MSRA: variants seen among roughly 807,000 people sequenced by gnomAD.
MSRA encodes the protein methionine sulfoxide reductase A, also known as mitochondrial peptide methionine sulfoxide reductase.
In MSRA, 54 loss-of-function variants were observed where a neutral mutation model predicts 31.3. The ratio of observed to expected loss-of-function variants is 1.73; its 90% CI spans 1.39 to 2.17. MSRA has a LOEUF of 2.17. Ranked by LOEUF, MSRA falls within the 30% of genes most tolerant of loss-of-function variation. The pLI, the probability that MSRA is intolerant of heterozygous loss-of-function variation, is 0.00. For synonymous variants in MSRA, 169 were observed against 116.5 expected (o/e 1.45, Z -2.90); for missense variants, 507 against 300.9 (o/e 1.69, Z -5.07).
chr8:10,307,738 C>T (rs571046907), intron 4 of MSRA, among the ~76,000 whole-genome samples: 108 of 152,314 alleles, frequency 7.1e-4, no homozygotes, highest in African/African-American at 2.5e-3. Context: ...GGTCTGGAAA[C>T]TGCTCCGGTA....
At chr8:10,403,274 C>G (rs1352957864) in intron 5 of MSRA, among the ~76,000 whole-genome samples, 2 of 152,204 alleles carry the variant, frequency 1.3e-5, no homozygotes, top group South Asian at 2.1e-4. Flanking sequence ...AAGCAAGGTG[C>G]CTCCCTGAGT....
chr8:10,364,214 C>T (rs767270096), intron 5 of MSRA, among the ~76,000 whole-genome samples: 5 of 152,130 alleles, frequency 3.3e-5, no homozygotes, highest in Admixed American at 1.3e-4. Context: ...TGTCCCTGCC[C>T]GTATGAGTTA....
At chr8:10,274,129 A>G (rs1799194275) in intron 3 of MSRA, among the ~76,000 whole-genome samples, 1 of 152,216 alleles carries the variant, frequency 6.6e-6, no homozygotes, top group Non-Finnish European at 1.5e-5. Flanking sequence ...CAGTGCTATT[A>G]TCACAGAGCA....
At position 10,147,264 on chromosome 8, in the gene MSRA, G is replaced by A. The variant is rs573492653; in HGVS notation, c.143-60569G>A. Among the ~76,000 whole-genome samples the A allele has an allele frequency of 1.9e-4, 29 of 152,220 alleles. No homozygotes were observed. The South Asian group carries it at 3.5e-3, about 19-fold the overall frequency. On this transcript the variant is annotated intron_variant, in intron 1 of 5. Coordinates refer to ENST00000317173, the MANE Select transcript of MSRA (RefSeq NM_012331.5). ...TTGCATGTGTTGGATTCAAGGAACC[G>A]GCGATCCATCCTGGAGCAAGATGGG... is the stretch of plus-strand genomic sequence containing the variant.
intron 3 of MSRA, among the ~76,000 whole-genome samples, chr8:10,297,564 G>A (rs1427833345): frequency 6.6e-6 from 1 of 152,192 alleles, no homozygotes; most frequent in Non-Finnish European, 1.5e-5. Flanking sequence ...CCTGTAAAGT[G>A]TGGGCATTTC....
intron 3 of MSRA, among the ~76,000 whole-genome samples, chr8:10,252,553 T>G (rs1305239152): frequency 2.0e-5 from 3 of 152,164 alleles, no homozygotes; most frequent in Non-Finnish European, 2.9e-5. Flanking sequence ...AGCCCAGGAC[T>G]TAGGACTAAG....
chr8:10,056,205 A>AC (rs1459213665), intron 1 of MSRA, among the ~76,000 whole-genome samples: 9 of 142,460 alleles, frequency 6.3e-5, no homozygotes, highest in Middle Eastern at 3.5e-3. Flanking sequence ...CACCAAAAAA[A>AC]AAAAAAAAAA....
At chr8:10,085,818 A>T (rs1226160883) in intron 1 of MSRA, among the ~76,000 whole-genome samples, 1 of 152,192 alleles carries the variant, frequency 6.6e-6, no homozygotes, top group African/African-American at 2.4e-5. Flanking sequence ...TTAAAGATAA[A>T]TTTCATAGAA....
At chr8:10,304,757 C>T (rs191019035) in intron 4 of MSRA, among the ~76,000 whole-genome samples, 2 of 152,326 alleles carry the variant, frequency 1.3e-5, no homozygotes, top group Non-Finnish European at 2.9e-5. Context: ...AAAGCCGCCA[C>T]TAGAGAAGAT....
intron 1 of MSRA, among the ~76,000 whole-genome samples, chr8:10,083,922 T>C (rs1798416503): frequency 6.6e-6 from 1 of 152,240 alleles, no homozygotes; most frequent in Non-Finnish European, 1.5e-5. Flanking sequence ...ACTTTGAATT[T>C]CAAAGAGGGG....
intron 3 of MSRA, chr8:10,250,694 G>T: frequency 1.8e-6 from 1 of 547,326 alleles, no homozygotes; most frequent in South Asian, 2.6e-5. Flanking sequence ...ACCCTCTGGG[G>T]GTGGTGATGG....
chr8:10,383,114 G>T (rs1385156352), intron 5 of MSRA, among the ~76,000 whole-genome samples: 3 of 152,226 alleles, frequency 2.0e-5, no homozygotes, highest in African/African-American at 4.8e-5. Flanking sequence ...CAGGATCATA[G>T]ATCCAGTTGA....
At chr8:10,211,602 A>G (rs915883317) in intron 2 of MSRA, among the ~76,000 whole-genome samples, 5 of 152,044 alleles carry the variant, frequency 3.3e-5, no homozygotes, top group African/African-American at 1.2e-4. Flanking sequence ...GCTCTCACCC[A>G]TTTGATCTTT....
intron 1 of MSRA, among the ~76,000 whole-genome samples, chr8:10,120,207 C>G (rs1218150725): frequency 6.6e-6 from 1 of 152,192 alleles, no homozygotes; most frequent in Non-Finnish European, 1.5e-5. Flanking sequence ...CAGAGACTGT[C>G]CTGCAGAAAG....
chr8:10,086,186 G>T (rs1375711271), intron 1 of MSRA, among the ~76,000 whole-genome samples: 1 of 152,150 alleles, frequency 6.6e-6, no homozygotes, highest in African/African-American at 2.4e-5. Flanking sequence ...GTACATACTT[G>T]CCAACACTTG....
At chr8:10,292,559 G>A (rs983875313) in intron 3 of MSRA, among the ~76,000 whole-genome samples, 2 of 152,228 alleles carry the variant, frequency 1.3e-5, no homozygotes, top group African/African-American at 2.4e-5. Context: ...ACAGCCACCC[G>A]GTGGGGGACC....
intron 2 of MSRA, among the ~76,000 whole-genome samples, chr8:10,242,220 G>A (rs1009155226): frequency 6.6e-6 from 1 of 151,336 alleles, no homozygotes; most frequent in Non-Finnish European, 1.5e-5. Flanking sequence ...GCAGTGAGCC[G>A]AGATTGCGCC....
chr8:10,108,134 A>T (rs1283094286), intron 1 of MSRA, among the ~76,000 whole-genome samples: 3 of 151,000 alleles, frequency 2.0e-5, no homozygotes, highest in Non-Finnish European at 3.0e-5. Flanking sequence ...AGAAATATAA[A>T]TTTTTTCTCC....
intron 1 of MSRA, among the ~76,000 whole-genome samples, chr8:10,152,657 A>G (rs1157536000): frequency 1.3e-5 from 2 of 152,212 alleles, no homozygotes; most frequent in African/African-American, 2.4e-5. Context: ...CCAAAAAATC[A>G]TATGAAGAAA....
Sources: gnomAD v4.1 joint callset for allele counts (sites outside exome capture counted in the v4.1 genomes callset) on GRCh38, gnomAD v4.1.1 for gene constraint, MANE v1.5 for transcripts, NCBI Gene and HGNC (gene_info 2026-07-23, HGNC 2026-07-21) for gene names.